The following CCSER1 variants were observed in gnomAD, a reference collection of about 807,000 sequenced individuals.
The protein encoded by CCSER1 is serine-rich coiled-coil domain-containing protein 1.
Under a neutral mutation model 82.0 loss-of-function variants are expected in CCSER1, and 41 were observed. The observed-to-expected ratio is 0.50, with a 90% CI of 0.39 to 0.65. CCSER1 has a LOEUF of 0.65. Ranked by LOEUF, CCSER1 falls within the 30% of genes least tolerant of loss-of-function variation. The probability of loss-of-function intolerance (pLI) is 0.00; values close to 1 mark genes in which losing one functional copy is unlikely to be tolerated. For missense variants in CCSER1, 1,119 were observed against 1,064.2 expected (o/e 1.05, Z -0.72); for synonymous variants, 414 against 383.9 (o/e 1.08, Z -0.92).
At chr4:91,338,207 C>T (rs925592590) in intron 10 of CCSER1, among the ~76,000 whole-genome samples, 2 of 152,070 alleles carry the variant, frequency 1.3e-5, no homozygotes, top group Admixed American at 6.6e-5. Context: ...CCATGGCTCT[C>T]CTGTCATTAC....
intron 10 of CCSER1, among the ~76,000 whole-genome samples, chr4:91,509,414 A>C (rs1759705814): frequency 6.6e-6 from 1 of 151,988 alleles, no homozygotes; most frequent in East Asian, 1.9e-4. Context: ...ATTACATTCT[A>C]ATTTAACTTT....
chr4:90,427,257 T>C (rs536351123), intron 4 of CCSER1, among the ~76,000 whole-genome samples: 1 of 151,990 alleles, frequency 6.6e-6, no homozygotes, highest in African/African-American at 2.4e-5. Flanking sequence ...AATTATTAAA[T>C]TATGTTAAAA....
At chr4:91,150,973 T>C (rs1238359102) in intron 10 of CCSER1, among the ~76,000 whole-genome samples, 1 of 152,226 alleles carries the variant, frequency 6.6e-6, no homozygotes, top group Non-Finnish European at 1.5e-5. Flanking sequence ...ATCAGGATGA[T>C]GCTGGCCTCC....
intron 10 of CCSER1, among the ~76,000 whole-genome samples, chr4:91,306,820 A>G (rs1745100798): frequency 6.6e-6 from 1 of 152,068 alleles, no homozygotes; most frequent in South Asian, 2.1e-4. Context: ...GTTAACTGTT[A>G]AATCAACTTT....
At chr4:90,316,775 G>T (rs1736246591) in intron 3 of CCSER1, among the ~76,000 whole-genome samples, 1 of 152,098 alleles carries the variant, frequency 6.6e-6, no homozygotes, top group Admixed American at 6.6e-5. Flanking sequence ...ATATACCACA[G>T]TTCTGTTGTT....
intron 6 of CCSER1, among the ~76,000 whole-genome samples, chr4:90,673,080 A>C (rs1733112144): frequency 6.6e-6 from 1 of 152,130 alleles, no homozygotes; most frequent in Admixed American, 6.6e-5. Context: ...AAAAGTGAGC[A>C]TAAGTTATTG....
chr4:90,235,947 G>A (rs1021183682), intron 1 of CCSER1, among the ~76,000 whole-genome samples: 2 of 152,044 alleles, frequency 1.3e-5, no homozygotes, highest in African/African-American at 4.8e-5. Flanking sequence ...TGCAAAATAA[G>A]TAATTTTTTT....
intron 5 of CCSER1, among the ~76,000 whole-genome samples, chr4:90,582,702 A>G (rs1781537199): frequency 6.6e-6 from 1 of 152,176 alleles, no homozygotes; most frequent in African/African-American, 2.4e-5. Context: ...CTTGATCAGT[A>G]AGTAATTCAA....
chr4:91,209,751 T>G (rs1380366493), intron 10 of CCSER1, among the ~76,000 whole-genome samples: 2 of 151,588 alleles, frequency 1.3e-5, no homozygotes, highest in Admixed American at 1.3e-4. Context: ...AGGAGTCAAT[T>G]TCAGAGCTCA....
At chr4:90,414,161 G>C (rs932267269) in intron 4 of CCSER1, among the ~76,000 whole-genome samples, 2 of 149,328 alleles carry the variant, frequency 1.3e-5, no homozygotes, top group Non-Finnish European at 3.0e-5. Flanking sequence ...GTTCCTAAAA[G>C]GAGATAGCCT....
At chr4:90,780,438 A>G (rs1753614102) in intron 7 of CCSER1, 2 of 1,610,892 alleles carry the variant, frequency 1.2e-6, no homozygotes, top group Non-Finnish European at 1.7e-6. Flanking sequence ...TATTGTTTTT[A>G]CAGACCACAT....
At chr4:91,572,212 C>G (rs1003680973) in intron 10 of CCSER1, among the ~76,000 whole-genome samples, 1 of 152,066 alleles carries the variant, frequency 6.6e-6, no homozygotes, top group Admixed American at 6.6e-5. Context: ...GCTCCAGTCT[C>G]TAGTCACTTC....
intron 7 of CCSER1, among the ~76,000 whole-genome samples, chr4:90,762,310 A>G (rs1003076908): frequency 6.6e-6 from 1 of 151,990 alleles, no homozygotes; most frequent in African/African-American, 2.4e-5. Context: ...TTCCCCTTTC[A>G]CCATGATCAT....
chr4:91,133,372 G>A (rs1012032246), intron 10 of CCSER1, among the ~76,000 whole-genome samples: 5 of 152,156 alleles, frequency 3.3e-5, no homozygotes, highest in African/African-American at 7.2e-5. Flanking sequence ...AGTCATTCGG[G>A]TGAGGAAGCG....
At chr4:91,036,225 T>C (rs1032308098) in intron 9 of CCSER1, among the ~76,000 whole-genome samples, 1 of 152,222 alleles carries the variant, frequency 6.6e-6, no homozygotes, top group Admixed American at 6.5e-5. Flanking sequence ...TGAAAAACAT[T>C]GTTCATAACA....
rs1243862917 is a variant in CCSER1, at chr4:90,249,357, TAAAC to T, written c.-41-58884_-41-58881del. ...TTTTATCAGGATGTAATTTACATGT[TAAAC>T]AAGTCAACCATTTAAAGTATACAGT... On this transcript the variant is annotated intron_variant, in intron 1 of 10. Transcript: ENST00000509176. 9.2e-5 allele frequency among the ~76,000 whole-genome samples: 14 copies of T among 152,296 alleles called. No homozygotes were observed. In the East Asian group the frequency reaches 1.4e-3, roughly 15 times the overall value.
intron 9 of CCSER1, among the ~76,000 whole-genome samples, chr4:91,025,445 C>T (rs1740404607): frequency 6.6e-6 from 1 of 152,112 alleles, no homozygotes; most frequent in African/African-American, 2.4e-5. Flanking sequence ...AGATGATGTG[C>T]TGGCACTTTT....
intron 6 of CCSER1, among the ~76,000 whole-genome samples, chr4:90,687,496 T>G (rs1285946769): frequency 6.6e-6 from 1 of 152,170 alleles, no homozygotes; most frequent in African/African-American, 2.4e-5. Context: ...ACAGCCTCTT[T>G]TGGAAACCTG....
intron 1 of CCSER1, among the ~76,000 whole-genome samples, chr4:90,192,654 G>T (rs1347245747): frequency 6.6e-6 from 1 of 151,984 alleles, no homozygotes; most frequent in African/African-American, 2.4e-5. Flanking sequence ...ATCGTTCCTG[G>T]CCCATAACCG....
Sources: allele counts gnomAD v4.1 joint callset (sites outside exome capture counted in the v4.1 genomes callset), GRCh38; gene constraint gnomAD v4.1.1; transcripts MANE v1.5; gene names NCBI Gene and HGNC (gene_info 2026-07-23, HGNC 2026-07-21).